The following GNB4 variants were observed in gnomAD, a reference collection of about 807,000 sequenced individuals.
The protein encoded by GNB4 is G protein subunit beta 4.
A neutral mutation model predicts 45.2 loss-of-function variants in GNB4; 28 were observed. The observed-to-expected ratio is 0.62, with a 90% CI of 0.46 to 0.85. The LOEUF (loss-of-function observed/expected upper bound fraction) is 0.85. Among genes scored for constraint, GNB4 ranks in the 40% least tolerant of loss-of-function variants. GNB4 has a pLI of 0.00. For synonymous variants in GNB4, 132 were observed against 143.7 expected (o/e 0.92, Z 0.58); for missense variants, 321 against 425.4 (o/e 0.75, Z 2.16).
chr3:179,400,316 G>GCA lies in GNB4; in HGVS notation c.*895_*896dup, dbSNP rs1232960192. On this transcript the variant is annotated 3_prime_UTR_variant, in exon 10 of 10. Coordinates refer to ENST00000232564, the MANE Select transcript of GNB4 (RefSeq NM_021629.4). The stretch of plus-strand genomic sequence containing the variant: ...TTTCCTCTCTAGATGTATACTGATA[G>GCA]CACTGGGAAAGATGTTCAGATGCAG... 6.6e-6 allele frequency: 1 copy of GCA among 152,286 alleles called. No homozygotes were observed. The highest frequency in any genetic ancestry group is 6.5e-5 in the Admixed American group (1 of 15,298). The allele number at this position is 152,286 out of a possible 1,614,324, so 9.4% of individuals were successfully genotyped here.
intron 1 of GNB4, among the ~76,000 whole-genome samples, chr3:179,435,056 TAAAATA>T (rs903951326): frequency 3.3e-5 from 5 of 152,030 alleles, no homozygotes; most frequent in African/African-American, 9.7e-5. Context: ...TGAAATGGAA[TAAAATA>T]AAAATAAAGA....
the GNB4 span, among the ~76,000 whole-genome samples, chr3:179,465,538 G>C: frequency 1.3e-5 from 2 of 152,140 alleles, no homozygotes; most frequent in African/African-American, 2.4e-5. Context: ...GAACCCAGGA[G>C]GCAGAGCCAA....
chr3:179,514,595 T>G, the GNB4 span, among the ~76,000 whole-genome samples: 3 of 152,148 alleles, frequency 2.0e-5, no homozygotes, highest in Non-Finnish European at 4.4e-5. Flanking sequence ...TAAGGTTAAA[T>G]GAGGTCATAA....
At chr3:179,436,063 T>C (rs1715439156) in intron 1 of GNB4, among the ~76,000 whole-genome samples, 2 of 152,210 alleles carry the variant, frequency 1.3e-5, no homozygotes, top group South Asian at 4.1e-4. Flanking sequence ...TGAAAGCTCA[T>C]ATAAGCCATA....
the GNB4 span, among the ~76,000 whole-genome samples, chr3:179,524,195 A>G: frequency 6.6e-6 from 1 of 152,254 alleles, no homozygotes; most frequent in African/African-American, 2.4e-5. Context: ...ATCAGTCTTT[A>G]GCCACTAAGC....
the GNB4 span, among the ~76,000 whole-genome samples, chr3:179,522,443 C>CGCTGATTCTCTTTT: frequency 6.6e-6 from 1 of 152,204 alleles, no homozygotes; most frequent in African/African-American, 2.4e-5. Context: ...ATTGCTCACA[C>CGCTGATTCTCTTTT]AAAGCCTGTT....
At position 179,398,785 on chromosome 3, in the gene GNB4, G is replaced by C. The variant is rs1314202288; in HGVS notation, c.*2428C>G. The C allele has an allele frequency of 6.6e-6, 1 of 152,202 alleles. No homozygotes were observed. Among genetic ancestry groups the C allele is most frequent in the Non-Finnish European group, 1.5e-5 (1 of 68,034 alleles). The allele number at this position is 152,202 out of a possible 1,614,324, so 9.4% of individuals were successfully genotyped here. The stretch of plus-strand genomic sequence containing the variant: ...GTGTAACCATGAAGTAATTGTGGTA[G>C]TGAGGCTACTCTGTCGCCATTTGTT... On this transcript the variant is annotated 3_prime_UTR_variant, in exon 10 of 10. Coordinates refer to ENST00000232564, the MANE Select transcript of GNB4 (RefSeq NM_021629.4).
chr3:179,496,039 CA>C, the GNB4 span, among the ~76,000 whole-genome samples: 1 of 152,080 alleles, frequency 6.6e-6, no homozygotes, highest in Admixed American at 6.5e-5. Context: ...AATATATAGT[CA>C]CATTTGGAAT....
At chr3:179,472,965 C>T in the GNB4 span, among the ~76,000 whole-genome samples, 2 of 152,160 alleles carry the variant, frequency 1.3e-5, no homozygotes, top group African/African-American at 4.8e-5. Context: ...AGATCGAGAC[C>T]ATCCTGGCTA....
the GNB4 span, among the ~76,000 whole-genome samples, chr3:179,478,159 A>C: frequency 7.2e-5 from 11 of 152,288 alleles, no homozygotes; most frequent in Admixed American, 5.9e-4. Context: ...CTTCTAGAAC[A>C]ATCCACTTTC....
the GNB4 span, among the ~76,000 whole-genome samples, chr3:179,466,202 G>C: frequency 6.6e-6 from 1 of 151,726 alleles, no homozygotes; most frequent in Non-Finnish European, 1.5e-5. Context: ...GTAGAGATAG[G>C]GTTTCATCAA....
chr3:179,494,263 AAGAAAGAAAGAAAG>A, the GNB4 span, among the ~76,000 whole-genome samples: 9 of 121,308 alleles, frequency 7.4e-5, no homozygotes, highest in South Asian at 2.4e-4. Flanking sequence ...AGAAGAAAGG[AAGAAAGAAAGAAAG>A]AGAAAGAAAG....
chr3:179,468,035 A>ATATAT, the GNB4 span, among the ~76,000 whole-genome samples: 7 of 89,850 alleles, frequency 7.8e-5, no homozygotes, highest in East Asian at 3.3e-4. Flanking sequence ...TGTTGATAAA[A>ATATAT]ATATATATAT....
At chr3:179,408,529 G>A (rs772592354) in intron 8 of GNB4, among the ~76,000 whole-genome samples, 3 of 152,066 alleles carry the variant, frequency 2.0e-5, no homozygotes, top group African/African-American at 7.2e-5. Context: ...GGTGGCTCAC[G>A]CCTTTAATCC....
the GNB4 span, among the ~76,000 whole-genome samples, chr3:179,525,890 T>C: frequency 0.67 from 101,336 of 152,046 alleles, 34,318 homozygotes; most frequent in East Asian, 0.98. Flanking sequence ...GATCTCCTCA[T>C]GGAGTGAGGG....
the GNB4 span, among the ~76,000 whole-genome samples, chr3:179,519,722 C>G: frequency 7.2e-4 from 109 of 152,240 alleles, 1 homozygote; most frequent in African/African-American, 2.5e-3. Flanking sequence ...CCTTCACATC[C>G]TCCTGTTGTA....
chr3:179,479,355 A>G, the GNB4 span, among the ~76,000 whole-genome samples: 1 of 152,192 alleles, frequency 6.6e-6, no homozygotes, highest in African/African-American at 2.4e-5. Flanking sequence ...GAAATTGACC[A>G]AACTTTCTGT....
At chr3:179,525,419 A>G in the GNB4 span, among the ~76,000 whole-genome samples, 1 of 152,186 alleles carries the variant, frequency 6.6e-6, no homozygotes, top group African/African-American at 2.4e-5. Context: ...AAGGTTGCCC[A>G]TAGTGAAGGA....
chr3:179,491,511 C>T, the GNB4 span, among the ~76,000 whole-genome samples: 1 of 152,170 alleles, frequency 6.6e-6, no homozygotes, highest in East Asian at 1.9e-4. Flanking sequence ...GACAAAGACA[C>T]AAAAATTAGT....
Sources: gnomAD v4.1 joint callset for allele counts (sites outside exome capture counted in the v4.1 genomes callset) on GRCh38, gnomAD v4.1.1 for gene constraint, MANE v1.5 for transcripts, NCBI Gene and HGNC (gene_info 2026-07-23, HGNC 2026-07-21) for gene names.